The following MEGF11 variants were observed in gnomAD, a reference collection of about 807,000 sequenced individuals.
The protein encoded by MEGF11 is multiple epidermal growth factor-like domains protein 11.
A neutral mutation model predicts 146.6 loss-of-function variants in MEGF11; 126 were observed. The observed-to-expected ratio is 0.86, with a 90% CI of 0.74 to 1.00. The LOEUF (loss-of-function observed/expected upper bound fraction) is 1.00, where lower values mean the gene tolerates loss of function less well. Among genes scored for constraint, MEGF11 ranks in the 50% least tolerant of loss-of-function variants. The pLI is 0.00. For missense variants in MEGF11, 1,509 were observed against 1,521.2 expected, an observed-to-expected ratio of 0.99 and a Z score of 0.13; for synonymous variants, 532 against 583.4, an observed-to-expected ratio of 0.91 and a Z score of 1.27.
intron 1 of MEGF11, among the ~76,000 whole-genome samples, chr15:66,138,068 A>T (rs1030325939): frequency 1.3e-5 from 2 of 152,058 alleles, no homozygotes; most frequent in African/African-American, 4.8e-5. Context: ...ATCTTAAAAA[A>T]TTTTTTTAAC....
chr15:66,190,611 C>T (rs2090842938), intron 1 of MEGF11, among the ~76,000 whole-genome samples: 1 of 152,092 alleles, frequency 6.6e-6, no homozygotes, highest in African/African-American at 2.4e-5. Context: ...AGATAGCACC[C>T]CTCAAAATGC....
intron 1 of MEGF11, among the ~76,000 whole-genome samples, chr15:66,174,407 G>A (rs2141126747): frequency 6.6e-6 from 1 of 152,296 alleles, no homozygotes; most frequent in East Asian, 1.9e-4. Flanking sequence ...GGTGAATTGA[G>A]GCATGGTGTA....
chr15:66,114,055 G>C lies in MEGF11; in HGVS notation c.301+5031C>G, dbSNP rs1462413563. 4.6e-5 allele frequency among the ~76,000 whole-genome samples: 7 copies of C among 152,284 alleles called. No individual in the cohort carries two copies. The South Asian group carries it at 1.0e-3, about 23-fold the overall frequency. On this transcript the variant is annotated intron_variant, in intron 4 of 25. Transcript: ENST00000395614. ...AGTCTGTGGTATAACAAGTCCCCCA[G>C]GTGATTCTGGTTCGGCAGCTCACGT...
At chr15:66,136,894 A>C (rs1307489735) in intron 1 of MEGF11, among the ~76,000 whole-genome samples, 3 of 152,186 alleles carry the variant, frequency 2.0e-5, no homozygotes, top group Admixed American at 6.5e-5. Flanking sequence ...ATAGCCAGGC[A>C]TGGTGGTCTA....
At chr15:66,097,291 T>A (rs2086595864) in intron 4 of MEGF11, among the ~76,000 whole-genome samples, 1 of 151,190 alleles carries the variant, frequency 6.6e-6, no homozygotes, top group South Asian at 2.1e-4. Context: ...GCGGGGAGAG[T>A]CTCCTAGGGA....
intron 1 of MEGF11, among the ~76,000 whole-genome samples, chr15:66,228,085 C>T (rs1338860558): frequency 2.6e-5 from 4 of 152,158 alleles, no homozygotes; most frequent in South Asian, 2.1e-4. Flanking sequence ...TGCTCTCTGC[C>T]AAATGAGGGG....
intron 1 of MEGF11, among the ~76,000 whole-genome samples, chr15:66,206,163 G>C (rs1469107268): frequency 2.0e-5 from 3 of 152,200 alleles, no homozygotes; most frequent in African/African-American, 7.2e-5. Flanking sequence ...GGACTCAGCA[G>C]CTGAATAGAG....
intron 1 of MEGF11, among the ~76,000 whole-genome samples, chr15:66,176,264 C>T (rs962391251): frequency 6.6e-6 from 1 of 152,148 alleles, no homozygotes; most frequent in Admixed American, 6.5e-5. Flanking sequence ...TCTCAAAAAA[C>T]TAAAAATAGC....
chr15:65,994,230 T>C (rs1404812773), intron 5 of MEGF11, among the ~76,000 whole-genome samples: 2 of 152,246 alleles, frequency 1.3e-5, no homozygotes, highest in Non-Finnish European at 2.9e-5. Flanking sequence ...CTGGAAGTTC[T>C]TTCTTTTCCA....
chr15:66,156,638 G>C (rs936543447), intron 1 of MEGF11, among the ~76,000 whole-genome samples: 4 of 151,952 alleles, frequency 2.6e-5, no homozygotes, highest in Non-Finnish European at 4.4e-5. Flanking sequence ...TCTTTCCTCT[G>C]TGGCTGTGCA....
rs576387256 is a variant in MEGF11 at position 66,087,967 on chromosome 15, C to T, written c.394+6435G>A. ...AAAGAAGAGAGAAAATCCAAATAAC[C>T]TCACAAAGAAACGCAACAGGAGATA... On this transcript the variant is annotated intron_variant, in intron 5 of 25. Coordinates refer to ENST00000395614, the MANE Select transcript of MEGF11 (RefSeq NM_001385028.1). Among the ~76,000 whole-genome samples, 8 of 152,180 alleles carry T rather than the reference C, an allele frequency of 5.3e-5. No individual in the cohort carries two copies. The East Asian group carries it at 1.4e-3, about 26-fold the overall frequency.
chr15:65,929,915 C>T, intron 11 of MEGF11, 32 bp from the exon 12 acceptor site: 2 of 1,572,204 alleles, frequency 1.3e-6, no homozygotes, highest in South Asian at 1.2e-5. Flanking sequence ...GTCACTTCTC[C>T]ATCCAGGCCC....
intron 1 of MEGF11, among the ~76,000 whole-genome samples, chr15:66,196,219 C>A (rs1475356130): frequency 6.6e-6 from 1 of 152,144 alleles, no homozygotes; most frequent in African/African-American, 2.4e-5. Flanking sequence ...TGCCTATAAT[C>A]CCAGCACTTC....
intron 1 of MEGF11, among the ~76,000 whole-genome samples, chr15:66,185,027 T>C (rs1414461624): frequency 6.6e-6 from 1 of 152,104 alleles, no homozygotes; most frequent in East Asian, 1.9e-4. Context: ...TCACACTGCA[T>C]AGTACTCCCC....
intron 21 of MEGF11, among the ~76,000 whole-genome samples, chr15:65,911,809 A>G (rs1416933893): frequency 1.3e-5 from 2 of 152,214 alleles, no homozygotes; most frequent in Non-Finnish European, 2.9e-5. Flanking sequence ...ATGACTTGGT[A>G]CCAGTTGGTT....
At chr15:66,208,283 A>G (rs1425169101) in intron 1 of MEGF11, among the ~76,000 whole-genome samples, 1 of 152,182 alleles carries the variant, frequency 6.6e-6, no homozygotes, top group Non-Finnish European at 1.5e-5. Flanking sequence ...AAATGACAAC[A>G]TGAGAAAACT....
intron 20 of MEGF11, 127 bp downstream of exon 20, chr15:65,913,610 C>T (rs2078887813): frequency 2.5e-6 from 2 of 808,116 alleles, no homozygotes; most frequent in African/African-American, 1.7e-5. Flanking sequence ...TCCCCATCCC[C>T]ACTGTCACTC....
At chr15:66,119,292 T>C in intron 3 of MEGF11, 106 bp from the exon 4 acceptor site, 2 of 762,146 alleles carry the variant, frequency 2.6e-6, no homozygotes, top group Non-Finnish European at 4.3e-6. Flanking sequence ...CAATAATTAC[T>C]TTAAAATGCA....
chr15:66,135,592 T>A (rs2088853945), intron 1 of MEGF11, among the ~76,000 whole-genome samples: 2 of 152,116 alleles, frequency 1.3e-5, no homozygotes, highest in Admixed American at 1.3e-4. Flanking sequence ...TGATGGGAAA[T>A]CAGAGGCCTT....
Sources: gnomAD v4.1 joint callset for allele counts (sites outside exome capture counted in the v4.1 genomes callset) on GRCh38, gnomAD v4.1.1 for gene constraint, MANE v1.5 for transcripts, NCBI Gene and HGNC (gene_info 2026-07-23, HGNC 2026-07-21) for gene names.